Variants in TEKT5 observed in about 807,000 individuals in gnomAD.
TEKT5 encodes the protein tektin 5, also known as tektin-5.
Under a neutral mutation model 48.7 loss-of-function variants are expected in TEKT5, and 52 were observed. The ratio of observed to expected loss-of-function variants is 1.07; its 90% CI spans 0.86 to 1.35. The LOEUF is 1.35. TEKT5 is among the 40% of genes most tolerant of loss of function. The pLI is 0.00. For synonymous variants in TEKT5, 318 were observed against 267.6 expected (o/e 1.19, Z -1.84); for missense variants, 831 against 641.6 (o/e 1.30, Z -3.19).
At chr16:10,652,008 TA>T (rs1222483392) in intron 5 of TEKT5, among the ~76,000 whole-genome samples, 1 of 152,026 alleles carries the variant, frequency 6.6e-6, no homozygotes, top group Non-Finnish European at 1.5e-5. Context: ...CCAGACTATC[TA>T]AATCCCAGCT....
chr16:10,680,043 C>T lies in TEKT5; in HGVS notation c.863+1950G>A, dbSNP rs148549761. Among the ~76,000 whole-genome samples, 942 of 152,352 alleles carry T rather than the reference C, an allele frequency of 6.2e-3. 6 individuals are homozygous for T. Among genetic ancestry groups the T allele is most frequent in the Middle Eastern group, 0.014 (4 of 294 alleles). ...GGGGGACTTTAAGGAGCAGGTCCCT[C>T]CTGGGTGTGGAAATTGGAGGCTCTG... is the stretch of plus-strand genomic sequence containing the variant. On this transcript the variant is annotated intron_variant, in intron 4 of 6. Transcript: ENST00000283025.
intron 3 of TEKT5, among the ~76,000 whole-genome samples, chr16:10,683,615 A>T (rs189014957): frequency 9.7e-4 from 148 of 152,108 alleles, no homozygotes; most frequent in Non-Finnish European, 1.5e-3. Context: ...TTTGAGATGG[A>T]GTTTTCCTTT....
intron 3 of TEKT5, among the ~76,000 whole-genome samples, chr16:10,687,407 C>G (rs539640802): frequency 6.6e-6 from 1 of 152,162 alleles, no homozygotes; most frequent in Non-Finnish European, 1.5e-5. Flanking sequence ...AACAAAGACA[C>G]TGGCCTGTCC....
chr16:10,654,924 T>TCCCCCCCCCCCCCCCCC (rs375024938), intron 5 of TEKT5, among the ~76,000 whole-genome samples: 2 of 44,980 alleles, frequency 4.4e-5, no homozygotes, highest in African/African-American at 9.1e-5. Context: ...CTGTCCTGTC[T>TCCCCCCCCCCCCCCCCC]CCCCCCCCTC....
At chr16:10,668,554 G>A (rs1366249482) in intron 5 of TEKT5, among the ~76,000 whole-genome samples, 1 of 152,162 alleles carries the variant, frequency 6.6e-6, no homozygotes, top group African/African-American at 2.4e-5. Flanking sequence ...GACAAACAGA[G>A]GGGTTGGCAG....
At chr16:10,690,598 T>C in intron 1 of TEKT5, 1 of 985,356 alleles carries the variant, frequency 1.0e-6, no homozygotes, top group Non-Finnish European at 1.2e-6. Context: ...AAATATTACC[T>C]GTGAATATGC....
chr16:10,670,432 T>A (rs528256787), intron 5 of TEKT5, among the ~76,000 whole-genome samples: 3 of 152,102 alleles, frequency 2.0e-5, no homozygotes, highest in Admixed American at 2.0e-4. Flanking sequence ...GGCAGGAGAA[T>A]CACTTGAACC....
At position 10,694,582 on chromosome 16, in the gene TEKT5, T is replaced by A; in HGVS notation, c.292A>T (p.Asn98Tyr). Residue 98 changes from asparagine (N) to tyrosine (Y), a missense_variant, in exon 1 of 7, where the codon AAC becomes TAC. Physicochemically the swap from Asn to Tyr is moderately radical, Grantham distance 143 (BLOSUM62 -2). Transcript: ENST00000283025. The stretch of plus-strand genomic sequence containing the variant: ...TCGGCCCCACGCACCTGCAGCTGGT[T>A]GGACTGGTCCCAGTCGTGGGGGCTA... The part of the protein sequence containing the change: ...RYSPHDWDQS[N>Y]QLQVRGAEAS... The A allele has an allele frequency of 1.2e-6, 2 of 1,605,656 alleles. No homozygotes were observed. The highest frequency in any genetic ancestry group is 1.7e-6 in the Non-Finnish European group (2 of 1,175,738).
chr16:10,638,061 C>G (rs2142261535), intron 5 of TEKT5, among the ~76,000 whole-genome samples: 1 of 152,292 alleles, frequency 6.6e-6, no homozygotes, highest in African/African-American at 2.4e-5. Context: ...ACCATCATGC[C>G]TCAACCTCCC....
chr16:10,673,587 G>A (rs574187703), intron 5 of TEKT5, among the ~76,000 whole-genome samples: 63 of 151,336 alleles, frequency 4.2e-4, no homozygotes, highest in African/African-American at 1.5e-3. Flanking sequence ...CCACAGCACA[G>A]GCAGCCTTCC....
chr16:10,690,961 G>A (rs915840649), intron 1 of TEKT5, among the ~76,000 whole-genome samples: 10 of 152,194 alleles, frequency 6.6e-5, no homozygotes, highest in African/African-American at 2.4e-4. Flanking sequence ...GCTCTGCTGA[G>A]GTGCTGGGGA....
intron 5 of TEKT5, among the ~76,000 whole-genome samples, chr16:10,652,392 C>G (rs571316120): frequency 1.3e-5 from 2 of 151,244 alleles, no homozygotes; most frequent in East Asian, 3.9e-4. Context: ...TATACTCAGG[C>G]AAAAACACAC....
At chr16:10,652,482 A>ACACG (rs1315157564) in intron 5 of TEKT5, among the ~76,000 whole-genome samples, 55 of 136,464 alleles carry the variant, frequency 4.0e-4, no homozygotes, top group African/African-American at 1.4e-3. Context: ...ACACACACAC[A>ACACG]CACACACACA....
chr16:10,627,669 C>T lies in TEKT5; in HGVS notation c.1372G>A (p.Ala458Thr), dbSNP rs1216336685. 1 of 1,614,022 alleles carries T rather than the reference C, an allele frequency of 6.2e-7. No homozygotes were observed. Among genetic ancestry groups the T allele is most frequent in the African/African-American group, 1.3e-5 (1 of 74,924 alleles). Residue 458 changes from alanine to threonine, a missense_variant, in exon 7 of 7, where the codon GCC becomes ACC. By Grantham distance (58) the Ala-to-Thr change is moderately conservative. Transcript: ENST00000283025. ...TCCTTGTCGATGCAGAGGGTGTTGG[C>T]CTTGATGGCGAGCTCGTGCTCCAGC... ...CRLEHELAIKANTLCIDKEKC... is the reference protein window; with the variant it reads ...CRLEHELAIKTNTLCIDKEKC...
rs1265263378 is a variant in TEKT5 at position 10,650,258 on chromosome 16, G to A, written c.1087-14340C>T. ...TGGGATTACAGGTGTGTGCGACAAG[G>A]CCCGGCTGATTTTTGTATTTTTAGT... On this transcript the variant is annotated intron_variant, in intron 5 of 6. Transcript: ENST00000283025. 4.6e-5 allele frequency among the ~76,000 whole-genome samples: 7 copies of A among 151,732 alleles called. 1 individual carries two copies. The East Asian group carries it at 1.2e-3, about 26-fold the overall frequency.
chr16:10,681,381 C>G (rs1898746805), intron 4 of TEKT5, among the ~76,000 whole-genome samples: 2 of 30,116 alleles, frequency 6.6e-5, no homozygotes, highest in East Asian at 4.9e-3. Flanking sequence ...CTCTCTGTCT[C>G]TCTCTCTCTC....
intron 5 of TEKT5, among the ~76,000 whole-genome samples, chr16:10,636,878 G>A (rs1245912813): frequency 2.6e-5 from 4 of 151,180 alleles, no homozygotes; most frequent in African/African-American, 4.9e-5. Flanking sequence ...GTGCAGTGCT[G>A]TGATCTGGGC....
chr16:10,634,337 G>C (rs1897882635), intron 6 of TEKT5, among the ~76,000 whole-genome samples: 1 of 152,192 alleles, frequency 6.6e-6, no homozygotes, highest in Non-Finnish European at 1.5e-5. Context: ...GGAAGCCTGA[G>C]GATGGTCCTT....
chr16:10,634,203 A>T (rs1189026953), intron 6 of TEKT5, among the ~76,000 whole-genome samples: 2 of 152,110 alleles, frequency 1.3e-5, no homozygotes, highest in Non-Finnish European at 2.9e-5. Context: ...GGAGTAACTG[A>T]CTTCCCAACT....
Sources: allele counts gnomAD v4.1 joint callset (sites outside exome capture counted in the v4.1 genomes callset), GRCh38; gene constraint gnomAD v4.1.1; transcripts MANE v1.5; gene names NCBI Gene and HGNC (gene_info 2026-07-23, HGNC 2026-07-21).